ZNF107: variants seen among roughly 807,000 people sequenced by gnomAD.
ZNF107 encodes the protein C2H2 type zinc-finger protein.
In ZNF107, 19 loss-of-function variants were observed where a neutral mutation model predicts 12.3. The observed-to-expected ratio is 1.55, with a 90% CI of 1.08 to 2.27. The LOEUF is 2.27. Among genes scored for constraint, ZNF107 ranks in the 30% most tolerant of loss-of-function variants. ZNF107 has a pLI of 0.00. For missense variants in ZNF107, 958 were observed against 979.9 expected, an observed-to-expected ratio of 0.98 and a Z score of 0.30; for synonymous variants, 317 against 330.5, an observed-to-expected ratio of 0.96 and a Z score of 0.44.
Position 64,707,124 on chromosome 7 carries a change from T to G in ZNF107, c.1027T>G (p.Cys343Gly), listed in dbSNP as rs10266866. 4.5e-4 allele frequency: 729 copies of G among 1,613,412 alleles called. 6 individuals are homozygous for G. In the African/African-American group the frequency reaches 8.4e-3, roughly 19 times the overall value. Residue 343 changes from cysteine to glycine, a missense_variant, in exon 4 of 4, where the codon TGT (cysteine) becomes GGT (glycine). By Grantham distance (159) the Cys-to-Gly change is radical. Coordinates refer to ENST00000620827, the MANE Select transcript of ZNF107 (RefSeq NM_001282359.2). ...RIHAGEKPYKCKECGRAFNIS... is the reference protein window; with the variant it reads ...RIHAGEKPYKGKECGRAFNIS... ...TCATGCTGGGGAGAAACCCTACAAA[T>G]GTAAAGAATGTGGCAGAGCTTTTAA...
chr7:64,706,776 A>G lies in ZNF107; in HGVS notation c.679A>G (p.Lys227Glu). The G allele has an allele frequency of 6.2e-7, 1 of 1,613,440 alleles. No homozygotes were observed. Among genetic ancestry groups the G allele is most frequent in the Non-Finnish European group, 8.5e-7 (1 of 1,179,782 alleles). The change falls in exon 4 of 4, where the codon AAG becomes GAG. Residue 227 changes from lysine (K) to glutamate (E), a missense_variant. Coordinates refer to ENST00000620827, the MANE Select transcript of ZNF107 (RefSeq NM_001282359.2). ...TKHKRIHTGEKPYKCEECGKA... is the reference protein window; with the variant it reads ...TKHKRIHTGEEPYKCEECGKA... ...ACATAAGAGAATTCATACTGGAGAAAAGCCCTACAAATGTGAAGAATGTGG... is the reference window on the plus strand; with the variant it reads ...ACATAAGAGAATTCATACTGGAGAAGAGCCCTACAAATGTGAAGAATGTGG...
At chr7:64,674,394 A>T in intron 1 of ZNF107, among the ~76,000 whole-genome samples, 1 of 151,742 alleles carries the variant, frequency 6.6e-6, no homozygotes, top group Non-Finnish European at 1.5e-5. Context: ...TGTGTTTTTG[A>T]TTTGGTTTTC....
In ZNF107 at chr7:64,706,813, A is replaced by G; in HGVS notation, c.716A>G (p.Asn239Ser). The G allele has an allele frequency of 6.2e-7, 1 of 1,613,526 alleles. No homozygotes were observed. Among genetic ancestry groups the G allele is most frequent in the Non-Finnish European group, 8.5e-7 (1 of 1,179,782 alleles). The change falls in exon 4 of 4, where the codon AAC (asparagine) becomes AGC (serine). Residue 239 changes from asparagine (N) to serine (S), a missense_variant. Physicochemically the swap from Asn to Ser is conservative, Grantham distance 46. Coordinates refer to ENST00000620827, the MANE Select transcript of ZNF107 (RefSeq NM_001282359.2). ...YKCEECGKAF[N>S]QSSQLTRHKI... ...TGTGAAGAATGTGGCAAAGCCTTTA[A>G]CCAGTCCTCACAACTTACTAGGCAT... is the stretch of plus-strand genomic sequence containing the variant.
Position 64,691,917 on chromosome 7 carries a change from G to T in ZNF107, c.183G>T (p.Glu61Asp). The stretch of plus-strand genomic sequence containing the variant: ...TCACCTGTCTGGAGCAAAAAAAAGA[G>T]CCCTGGAATATAAAAAGACATGAGA... ...YLITCLEQKK[E>D]PWNIKRHEMV... is the part of the protein sequence containing the mutation. Residue 61 changes from glutamate to aspartate, a missense_variant, in exon 3 of 4, where the codon GAG becomes GAT. Glu to Asp is a conservative substitution (Grantham distance 45). Transcript: ENST00000620827. The T allele has an allele frequency of 1.3e-6, 2 of 1,535,910 alleles. No homozygotes were observed. Among genetic ancestry groups the T allele is most frequent in the East Asian group, 2.5e-5 (1 of 39,646 alleles).
Position 64,706,804 on chromosome 7 carries a change from A to G in ZNF107, c.707A>G (p.Lys236Arg). The G allele has an allele frequency of 6.2e-7, 1 of 1,613,566 alleles. No homozygotes were observed. Among genetic ancestry groups the G allele is most frequent in the Non-Finnish European group, 8.5e-7 (1 of 1,179,798 alleles). The change falls in exon 4 of 4, where the codon AAA becomes AGA. Residue 236 changes from lysine to arginine, a missense_variant. Coordinates refer to ENST00000620827, the MANE Select transcript of ZNF107 (RefSeq NM_001282359.2). ...CCCTACAAATGTGAAGAATGTGGCAAAGCCTTTAACCAGTCCTCACAACTT... is the reference window on the plus strand; with the variant it reads ...CCCTACAAATGTGAAGAATGTGGCAGAGCCTTTAACCAGTCCTCACAACTT... ...EKPYKCEECG[K>R]AFNQSSQLTR...
At chr7:64,697,841 G>A (rs866308422) in intron 3 of ZNF107, among the ~76,000 whole-genome samples, 1 of 151,972 alleles carries the variant, frequency 6.6e-6, no homozygotes, top group Non-Finnish European at 1.5e-5. Context: ...ACATGCGCCC[G>A]CCACCACGCC....
At chr7:64,699,455 C>G (rs895647144) in intron 3 of ZNF107, among the ~76,000 whole-genome samples, 1 of 152,110 alleles carries the variant, frequency 6.6e-6, no homozygotes, top group Non-Finnish European at 1.5e-5. Flanking sequence ...GGATCTTACT[C>G]TCACCCAGGC....
At position 64,709,723 on chromosome 7, in the gene ZNF107, A is replaced by G. The variant is rs930059763; in HGVS notation, c.*1067A>G. ...CAAATACAAGGAATGTGGAAAAGCCATTATTATCTGCTCAGATTTTACTCA... is the reference window on the plus strand; with the variant it reads ...CAAATACAAGGAATGTGGAAAAGCCGTTATTATCTGCTCAGATTTTACTCA... On this transcript the variant is annotated 3_prime_UTR_variant, in exon 4 of 4. Coordinates refer to ENST00000620827, the MANE Select transcript of ZNF107 (RefSeq NM_001282359.2). 14 of 455,936 alleles carry G rather than the reference A, an allele frequency of 3.1e-5. No individual in the cohort carries two copies. The highest frequency in any genetic ancestry group is 5.3e-5 in the Non-Finnish European group (12 of 226,772). 28.2% of individuals were successfully genotyped at this position (455,936 alleles called of 1,614,324 possible).
chr7:64,701,858 T>C (rs1340504119), intron 3 of ZNF107, among the ~76,000 whole-genome samples: 2 of 152,132 alleles, frequency 1.3e-5, no homozygotes, highest in Admixed American at 1.3e-4. Context: ...TAGGATCAAG[T>C]GTTCAGCCCA....
At position 64,691,945 on chromosome 7, in the gene ZNF107, G is replaced by A. The variant is rs766264733; in HGVS notation, c.211G>A (p.Val71Ile). 1 of 1,519,744 alleles carries A rather than the reference G, an allele frequency of 6.6e-7. No homozygotes were observed. The highest frequency in any genetic ancestry group is 1.3e-5 in the South Asian group (1 of 79,558). The allele number at this position is 1,519,744 out of a possible 1,614,324, so 94.1% of individuals were successfully genotyped here. ...EPWNIKRHEM[V>I]AKPPVMSFHF... The stretch of plus-strand genomic sequence containing the variant: ...CTGGAATATAAAAAGACATGAGATG[G>A]TAGCCAAACCCCCAGGTAGGTGAGA... The change falls in exon 3 of 4, where the codon GTA becomes ATA. Residue 71 changes from valine (V) to isoleucine (I), a missense_variant. Coordinates refer to ENST00000620827, the MANE Select transcript of ZNF107 (RefSeq NM_001282359.2).
rs201422104 is a variant in ZNF107, at chr7:64,706,461, G to A, written c.364G>A (p.Glu122Lys). ...QLRKGCKHVD[E>K]CTGHKGGHNT... The stretch of plus-strand genomic sequence containing the variant: ...AAGAAAAGGCTGTAAACATGTGGAT[G>A]AGTGTACGGGGCACAAAGGAGGTCA... Residue 122 changes from glutamate to lysine, a missense_variant, in exon 4 of 4, where the codon GAG (glutamate) becomes AAG (lysine). Coordinates refer to ENST00000620827, the MANE Select transcript of ZNF107 (RefSeq NM_001282359.2). 1.2e-5 allele frequency: 19 copies of A among 1,613,528 alleles called. No homozygotes were observed. The African/African-American group carries it at 2.3e-4, about 19-fold the overall frequency.
At chr7:64,687,376 C>G in intron 1 of ZNF107, 1 of 985,442 alleles carries the variant, frequency 1.0e-6, no homozygotes, top group Non-Finnish European at 1.2e-6. Context: ...CCCAGGAGGC[C>G]TGCAGGCTCT....
intron 1 of ZNF107, chr7:64,686,414 C>T (rs1789913504): frequency 1.7e-6 from 1 of 583,154 alleles, no homozygotes; most frequent in Admixed American, 6.3e-5. Flanking sequence ...GCGACAAATG[C>T]TACTCCTAAC....
rs1317377919 is a variant in ZNF107 at position 64,691,105 on chromosome 7, C to CTCGT, written c.4-142_4-139dup. ...GCCAGGATGGTCTCAATCTCTTGAC[C>CTCGT]TCGTGATTTGCCTGCCTTGGCCTCC... On this transcript the variant is annotated intron_variant, in intron 1 of 3. Transcript: ENST00000620827. 4 of 776,874 alleles carry CTCGT rather than the reference C, an allele frequency of 5.1e-6. No homozygotes were observed. The African/African-American group carries it at 7.6e-5, about 15-fold the overall frequency. The allele number at this position is 776,874 out of a possible 1,614,324, so 48.1% of individuals were successfully genotyped here.
At chr7:64,699,256 T>C (rs1255372514) in intron 3 of ZNF107, among the ~76,000 whole-genome samples, 1 of 152,202 alleles carries the variant, frequency 6.6e-6, no homozygotes, top group East Asian at 1.9e-4. Flanking sequence ...TTGACATCTT[T>C]TAAAAATTAA....
At chr7:64,684,429 C>T (rs535164300) in intron 1 of ZNF107, among the ~76,000 whole-genome samples, 11 of 152,148 alleles carry the variant, frequency 7.2e-5, no homozygotes, top group Non-Finnish European at 1.0e-4. Context: ...CAGGACCCTT[C>T]CTGGTCGTTT....
Position 64,668,088 on chromosome 7 carries a change from ATGGGGTAGGAGAATCTAGTGTT to A in ZNF107, c.3+1808_3+1829del, listed in dbSNP as rs1789073853. The stretch of plus-strand genomic sequence containing the variant: ...GTCATTGGGCACTTAAATGAGCAGG[ATGGGGTAGGAGAATCTAGTGTT>A]TGGGTGGCCTGACTTGACACATGAG... On this transcript the variant is annotated intron_variant, in intron 1 of 3. Coordinates refer to ENST00000620827, the MANE Select transcript of ZNF107 (RefSeq NM_001282359.2). Among the ~76,000 whole-genome samples the A allele has an allele frequency of 1.3e-5, 2 of 152,042 alleles. 1 individual carries two copies. Among genetic ancestry groups the A allele is most frequent in the South Asian group, 4.1e-4 (2 of 4,820 alleles).
rs1790648499 is a variant in ZNF107, at chr7:64,706,501, A to G, written c.404A>G (p.Gln135Arg). ...AAAGGAGGTCATAATACAGTTAACCAATGTTTGACAGCTACCCCAAGCAAA... is the reference window on the plus strand; with the variant it reads ...AAAGGAGGTCATAATACAGTTAACCGATGTTTGACAGCTACCCCAAGCAAA... ...GHKGGHNTVNQCLTATPSKIF... is the reference protein window; with the variant it reads ...GHKGGHNTVNRCLTATPSKIF... Residue 135 changes from glutamine (Q) to arginine (R), a missense_variant, in exon 4 of 4, where the codon CAA becomes CGA. Coordinates refer to ENST00000620827, the MANE Select transcript of ZNF107 (RefSeq NM_001282359.2). 17 of 1,611,810 alleles carry G rather than the reference A, an allele frequency of 1.1e-5. No homozygotes were observed. Among genetic ancestry groups the G allele is most frequent in the Non-Finnish European group, 1.4e-5 (17 of 1,178,570 alleles).
In ZNF107 at chr7:64,707,425, A is replaced by T; in HGVS notation, c.1328A>T (p.His443Leu). The T allele has an allele frequency of 1.9e-6, 3 of 1,613,378 alleles. No homozygotes were observed. Among genetic ancestry groups the T allele is most frequent in the Non-Finnish European group, 2.5e-6 (3 of 1,179,696 alleles). The change falls in exon 4 of 4, where the codon CAT becomes CTT. Residue 443 changes from histidine to leucine, a missense_variant. Physicochemically the swap from His to Leu is moderately conservative, Grantham distance 99. Coordinates refer to ENST00000620827, the MANE Select transcript of ZNF107 (RefSeq NM_001282359.2). ...AFNQSSNLTEHKKIHTAEKSY... is the reference protein window; with the variant it reads ...AFNQSSNLTELKKIHTAEKSY... ...AACCAATCTTCAAACCTTACTGAAC[A>T]TAAGAAAATTCATACTGCAGAGAAA...
Sources: gnomAD v4.1 joint callset for allele counts (sites outside exome capture counted in the v4.1 genomes callset) on GRCh38, gnomAD v4.1.1 for gene constraint, MANE v1.5 for transcripts, NCBI Gene and HGNC (gene_info 2026-07-23, HGNC 2026-07-21) for gene names.